C12orf42: variants seen among roughly 807,000 people sequenced by gnomAD.
The protein encoded by C12orf42 is chromosome 12 open reading frame 42.
C12orf42 carries 25 observed loss-of-function variants against 21.6 expected under a neutral mutation model. The ratio of observed to expected loss-of-function variants is 1.16; its 90% CI spans 0.84 to 1.62. The LOEUF (loss-of-function observed/expected upper bound fraction) is 1.62. Among genes scored for constraint, C12orf42 ranks in the 40% most tolerant of loss-of-function variants. The probability of loss-of-function intolerance (pLI) is 0.00; values close to 1 mark genes in which losing one functional copy is unlikely to be tolerated. For synonymous variants in C12orf42, 174 were observed against 175.0 expected, an observed-to-expected ratio of 0.99 and a Z score of 0.05; for missense variants, 483 against 459.3, an observed-to-expected ratio of 1.05 and a Z score of -0.47.
chr12:103,361,056 C>T (rs2137693009), intron 4 of C12orf42, among the ~76,000 whole-genome samples: 1 of 152,142 alleles, frequency 6.6e-6, no homozygotes, highest in Non-Finnish European at 1.5e-5. Context: ...CTGGGACAGA[C>T]AGAGCAGCAT....
chr12:103,540,448 A>T, the C12orf42 span, among the ~76,000 whole-genome samples: 1 of 152,068 alleles, frequency 6.6e-6, no homozygotes, highest in Non-Finnish European at 1.5e-5. Context: ...CCTTGTAGTT[A>T]CTTTTGATTT....
intron 1 of C12orf42, among the ~76,000 whole-genome samples, chr12:103,492,410 C>T (rs967647509): frequency 2.6e-5 from 4 of 152,236 alleles, no homozygotes; most frequent in African/African-American, 7.2e-5. Context: ...CACAGGTCTT[C>T]GTCCTAATAT....
At chr12:103,128,262 A>G in the C12orf42 span, among the ~76,000 whole-genome samples, 1 of 152,166 alleles carries the variant, frequency 6.6e-6, no homozygotes, top group African/African-American at 2.4e-5. Context: ...CAAAGAGAGA[A>G]AAGAAGGGAA....
downstream of C12orf42, chr12:103,267,875 T>G (rs897165243): frequency 2.6e-5 from 4 of 152,154 alleles, no homozygotes; most frequent in Non-Finnish European, 5.9e-5. Context: ...AGTTCTTATA[T>G]TTAAACAAAA....
At chr12:103,267,658 G>A (rs1167701447), downstream of C12orf42, 3 of 152,242 alleles carry the variant, frequency 2.0e-5, no homozygotes, top group East Asian at 5.8e-4. Flanking sequence ...AGCCCCATGG[G>A]ATGAGAAGGA....
At chr12:103,255,095 G>A (rs149495261) in intron 10 of C12orf42, among the ~76,000 whole-genome samples, 7 of 152,118 alleles carry the variant, frequency 4.6e-5, no homozygotes, top group East Asian at 3.9e-4. Context: ...TATGTGGGCC[G>A]GGCATGATGG....
At chr12:103,068,211 A>G in the C12orf42 span, among the ~76,000 whole-genome samples, 1 of 152,152 alleles carries the variant, frequency 6.6e-6, no homozygotes, top group Non-Finnish European at 1.5e-5. Context: ...TGTTAAAAAC[A>G]TGTTTGTGCA....
At chr12:103,307,525 T>A (rs2038487838) in intron 4 of C12orf42, among the ~76,000 whole-genome samples, 1 of 152,088 alleles carries the variant, frequency 6.6e-6, no homozygotes, top group African/African-American at 2.4e-5. Context: ...AGTCCCCAAT[T>A]GTCAAAGATA....
the C12orf42 span, among the ~76,000 whole-genome samples, chr12:103,050,117 G>A: frequency 6.6e-6 from 1 of 152,086 alleles, no homozygotes; most frequent in East Asian, 1.9e-4. Flanking sequence ...GCCCATCAGT[G>A]AAACTTTGTT....
the C12orf42 span, among the ~76,000 whole-genome samples, chr12:103,052,989 C>G: frequency 6.6e-6 from 1 of 151,832 alleles, no homozygotes; most frequent in African/African-American, 2.4e-5. Context: ...AGACTCTATC[C>G]CCTTTATCTT....
At chr12:103,420,390 G>A (rs968774956) in intron 2 of C12orf42, among the ~76,000 whole-genome samples, 1 of 152,050 alleles carries the variant, frequency 6.6e-6, no homozygotes, top group African/African-American at 2.4e-5. Flanking sequence ...CGTGGATACC[G>A]AGATCTTTGC....
the C12orf42 span, among the ~76,000 whole-genome samples, chr12:103,113,252 T>C: frequency 6.6e-6 from 1 of 152,078 alleles, no homozygotes; most frequent in African/African-American, 2.4e-5. Context: ...GAGATATGAG[T>C]GGTAGTGGGT....
chr12:103,196,316 T>C, the C12orf42 span, among the ~76,000 whole-genome samples: 1 of 152,158 alleles, frequency 6.6e-6, no homozygotes, highest in African/African-American at 2.4e-5. Flanking sequence ...TTTCGTTTTG[T>C]GTTCTTTTGA....
At chr12:103,324,839 T>C (rs965342447) in intron 4 of C12orf42, among the ~76,000 whole-genome samples, 10 of 152,242 alleles carry the variant, frequency 6.6e-5, no homozygotes, top group Non-Finnish European at 1.2e-4. Flanking sequence ...GCAGAGCTCC[T>C]GTTTCCCTTG....
downstream of C12orf42, among the ~76,000 whole-genome samples, chr12:103,300,774 T>G (rs944846953): frequency 2.0e-5 from 3 of 152,204 alleles, no homozygotes; most frequent in African/African-American, 7.2e-5. Flanking sequence ...GGCATGAAGT[T>G]GAATTTGTGA....
intron 2 of C12orf42, among the ~76,000 whole-genome samples, chr12:103,435,594 C>T (rs1346066149): frequency 6.6e-6 from 1 of 151,954 alleles, no homozygotes; most frequent in Non-Finnish European, 1.5e-5. Flanking sequence ...TCGAGAACTA[C>T]ATGAAGAATG....
At chr12:103,331,026 A>G (rs2041196535) in intron 4 of C12orf42, among the ~76,000 whole-genome samples, 2 of 152,234 alleles carry the variant, frequency 1.3e-5, no homozygotes, top group African/African-American at 2.4e-5. Flanking sequence ...AATAAAATAA[A>G]CCAATTCTCT....
intron 1 of C12orf42, among the ~76,000 whole-genome samples, chr12:103,494,889 G>C (rs535139258): frequency 6.6e-6 from 1 of 152,182 alleles, no homozygotes; most frequent in Non-Finnish European, 1.5e-5. Flanking sequence ...CCGGGAGGGG[G>C]CAGCACAGTT....
At chr12:103,441,152 T>C (rs1224117412) in intron 2 of C12orf42, among the ~76,000 whole-genome samples, 2 of 152,150 alleles carry the variant, frequency 1.3e-5, no homozygotes, top group Non-Finnish European at 2.9e-5. Context: ...AGTATTATAT[T>C]TTCCAAACAG....
Sources: gnomAD v4.1 joint callset for allele counts (sites outside exome capture counted in the v4.1 genomes callset) on GRCh38, gnomAD v4.1.1 for gene constraint, MANE v1.5 for transcripts, NCBI Gene and HGNC (gene_info 2026-07-23, HGNC 2026-07-21) for gene names.